The following MAN2A1 variants were observed in gnomAD, a reference collection of about 807,000 sequenced individuals.
The protein encoded by MAN2A1 is mannosidase alpha class 2A member 1.
In MAN2A1, 76 loss-of-function variants were observed where a neutral mutation model predicts 142.6. That is an observed-to-expected ratio of 0.53 (90% CI 0.44 to 0.65). The LOEUF is 0.65. Ranked by LOEUF, MAN2A1 falls within the 30% of genes least tolerant of loss-of-function variation. The pLI is 0.00. For missense variants in MAN2A1, 1,311 were observed against 1,365.1 expected (o/e 0.96, Z 0.62); for synonymous variants, 559 against 473.2 (o/e 1.18, Z -2.35).
chr5:109,831,543 A>G (rs1178427964), intron 16 of MAN2A1, among the ~76,000 whole-genome samples: 1 of 152,206 alleles, frequency 6.6e-6, no homozygotes, highest in Non-Finnish European at 1.5e-5. Context: ...TATACATTTA[A>G]ATAATTGCAA....
chr5:109,751,160 C>T (rs528305802), intron 4 of MAN2A1, among the ~76,000 whole-genome samples: 74 of 152,136 alleles, frequency 4.9e-4, no homozygotes, highest in African/African-American at 1.6e-3. Context: ...ATACTCTTCC[C>T]AGCCTCTGGT....
At chr5:109,852,346 C>T (rs565286595) in intron 19 of MAN2A1, among the ~76,000 whole-genome samples, 1 of 152,152 alleles carries the variant, frequency 6.6e-6, no homozygotes, top group African/African-American at 2.4e-5. Context: ...ATTTATATTG[C>T]ATTTGCTTAT....
intron 4 of MAN2A1, among the ~76,000 whole-genome samples, chr5:109,752,506 G>A (rs1752574086): frequency 6.6e-6 from 1 of 152,178 alleles, no homozygotes; most frequent in Non-Finnish European, 1.5e-5. Context: ...CATTCTAATG[G>A]TGGGTAGAGG....
intron 12 of MAN2A1, chr5:109,794,141 A>G (rs6880826): frequency 0.74 from 111,946 of 152,104 alleles, 42,286 homozygotes; most frequent in East Asian, 0.95. Flanking sequence ...AATTCTGACC[A>G]CTCAGATTGT....
In MAN2A1 at chr5:109,755,469, A is replaced by G. The variant is rs542014884; in HGVS notation, c.835+13A>G. The G allele has an allele frequency of 1.8e-5, 29 of 1,602,656 alleles. 1 individual carries two copies. The highest frequency in any genetic ancestry group is 3.4e-4 in the Middle Eastern group (2 of 5,912). ...GAAAATAATATAGGTATGTATTGGT[A>G]TATTCTTTATTTGGGCTATTTTGGA... On this transcript the variant is annotated intron_variant, in intron 5 of 21. Transcript: ENST00000261483.
chr5:109,727,544 G>T (rs995451775), intron 3 of MAN2A1, among the ~76,000 whole-genome samples: 3 of 152,190 alleles, frequency 2.0e-5, no homozygotes, highest in Non-Finnish European at 4.4e-5. Flanking sequence ...AGTGAATTCA[G>T]TGCAAACTGA....
At chr5:109,805,609 G>T (rs1754144506) in intron 12 of MAN2A1, among the ~76,000 whole-genome samples, 1 of 152,160 alleles carries the variant, frequency 6.6e-6, no homozygotes, top group African/African-American at 2.4e-5. Context: ...ACCCTTGCAT[G>T]AGAGTCAGAG....
At chr5:109,740,297 G>T (rs113077530) in intron 4 of MAN2A1, among the ~76,000 whole-genome samples, 4 of 152,318 alleles carry the variant, frequency 2.6e-5, no homozygotes, top group African/African-American at 9.6e-5. Flanking sequence ...GAGGAGCTGG[G>T]GCTATGAGAA....
intron 13 of MAN2A1, among the ~76,000 whole-genome samples, chr5:109,818,894 G>A (rs913254212): frequency 9.2e-5 from 14 of 152,294 alleles, no homozygotes; most frequent in Non-Finnish European, 1.5e-4. Context: ...TTGTTACACA[G>A]CCATGCCTTG....
intron 1 of MAN2A1, among the ~76,000 whole-genome samples, chr5:109,710,930 T>G (rs1409547875): frequency 6.6e-6 from 1 of 152,184 alleles, no homozygotes; most frequent in East Asian, 1.9e-4. Flanking sequence ...ACTCAGGTGA[T>G]CCGCCCGCTT....
At chr5:109,747,833 T>C (rs1449488168) in intron 4 of MAN2A1, among the ~76,000 whole-genome samples, 1 of 152,214 alleles carries the variant, frequency 6.6e-6, no homozygotes, top group Non-Finnish European at 1.5e-5. Context: ...CATAATTTTT[T>C]CATCACCATG....
intron 10 of MAN2A1, among the ~76,000 whole-genome samples, chr5:109,786,887 G>A (rs1354348292): frequency 6.6e-6 from 1 of 152,010 alleles, no homozygotes; most frequent in Non-Finnish European, 1.5e-5. Context: ...AAAAAAATCT[G>A]TAGACAACTG....
chr5:109,745,025 A>G (rs1392374875), intron 4 of MAN2A1, among the ~76,000 whole-genome samples: 1 of 152,144 alleles, frequency 6.6e-6, no homozygotes, highest in Non-Finnish European at 1.5e-5. Flanking sequence ...TTTGATTTCC[A>G]TTTTATGAAT....
intron 1 of MAN2A1, among the ~76,000 whole-genome samples, chr5:109,692,640 C>T (rs1750704171): frequency 1.3e-5 from 2 of 152,190 alleles, no homozygotes. Context: ...CTCCCAGCCA[C>T]TGAGTTGTCT....
At chr5:109,863,531 C>T (rs746326850) in intron 20 of MAN2A1, 1 of 152,208 alleles carries the variant, frequency 6.6e-6, no homozygotes, top group Non-Finnish European at 1.5e-5. Flanking sequence ...CCCTACAAGG[C>T]AGTGTGAAGC....
At chr5:109,791,723 G>C (rs970791786) in intron 12 of MAN2A1, among the ~76,000 whole-genome samples, 1 of 151,904 alleles carries the variant, frequency 6.6e-6, no homozygotes, top group East Asian at 1.9e-4. Context: ...GATATAGTAC[G>C]TAACAGGTAA....
intron 18 of MAN2A1, among the ~76,000 whole-genome samples, chr5:109,846,717 G>A (rs1755352594): frequency 6.6e-6 from 1 of 152,124 alleles, no homozygotes; most frequent in African/African-American, 2.4e-5. Flanking sequence ...TTCCTGGTGT[G>A]TCCTTTGACA....
chr5:109,864,806 T>A (rs1346006032), intron 20 of MAN2A1: 2 of 471,682 alleles, frequency 4.2e-6, no homozygotes, highest in Non-Finnish European at 7.6e-6. Context: ...GGCATGAGGT[T>A]ACCTAACAAG....
chr5:109,839,074 T>C (rs975614344), intron 16 of MAN2A1, among the ~76,000 whole-genome samples: 6 of 152,082 alleles, frequency 3.9e-5, no homozygotes, highest in Admixed American at 3.3e-4. Flanking sequence ...GAAGAAAACA[T>C]AAAATAGTAC....
Sources: allele counts gnomAD v4.1 joint callset (sites outside exome capture counted in the v4.1 genomes callset), GRCh38; gene constraint gnomAD v4.1.1; transcripts MANE v1.5; gene names NCBI Gene and HGNC (gene_info 2026-07-23, HGNC 2026-07-21).